Variants in CLYBL observed in about 807,000 individuals in gnomAD.
CLYBL encodes citramalyl-CoA lyase.
A neutral mutation model predicts 38.9 loss-of-function variants in CLYBL; 31 were observed. That is an observed-to-expected ratio of 0.80 (90% confidence interval 0.60 to 1.08). The LOEUF (loss-of-function observed/expected upper bound fraction) is 1.08, where lower values mean the gene tolerates loss of function less well. Ranked by LOEUF, CLYBL falls within the 50% of genes least tolerant of loss-of-function variation. The pLI is 0.00. For missense variants in CLYBL, 434 were observed against 411.6 expected (o/e 1.05, Z -0.47); for synonymous variants, 171 against 158.6 (o/e 1.08, Z -0.59).
chr13:99,627,283 C>T (rs557087715), intron 1 of CLYBL, among the ~76,000 whole-genome samples: 1 of 151,966 alleles, frequency 6.6e-6, no homozygotes, highest in African/African-American at 2.4e-5. Flanking sequence ...TTAAAGAAAG[C>T]GTTGAATGTG....
chr13:99,900,983 C>G (rs1165707018), downstream of CLYBL, among the ~76,000 whole-genome samples: 1 of 152,224 alleles, frequency 6.6e-6, no homozygotes, highest in Non-Finnish European at 1.5e-5. Context: ...CCCTGAGCAC[C>G]TGCCTCCCAG....
At chr13:99,835,821 A>G (rs1180701431) in intron 2 of CLYBL, among the ~76,000 whole-genome samples, 2 of 152,186 alleles carry the variant, frequency 1.3e-5, no homozygotes, top group Non-Finnish European at 2.9e-5. Context: ...CAGAACTAAC[A>G]GAGACAAGAC....
At chr13:99,610,476 A>T (rs1400655788) in intron 1 of CLYBL, among the ~76,000 whole-genome samples, 1 of 152,204 alleles carries the variant, frequency 6.6e-6, no homozygotes. Flanking sequence ...AGTGACTTTA[A>T]TAAACTAATT....
chr13:99,818,448 C>A (rs1286913570), intron 2 of CLYBL, among the ~76,000 whole-genome samples: 2 of 77,424 alleles, frequency 2.6e-5, no homozygotes, highest in African/African-American at 9.5e-5. Flanking sequence ...GAGCAGAAAA[C>A]ACACACACAC....
At chr13:99,839,606 T>C (rs1032432457) in intron 2 of CLYBL, among the ~76,000 whole-genome samples, 2 of 152,022 alleles carry the variant, frequency 1.3e-5, no homozygotes, top group African/African-American at 4.8e-5. Flanking sequence ...TGACACACCA[T>C]TGGGTGTGTG....
At chr13:99,896,780 C>T (rs2052585723), downstream of CLYBL, 1 of 152,226 alleles carries the variant, frequency 6.6e-6, no homozygotes, top group African/African-American at 2.4e-5. Context: ...CCTTGGGAAT[C>T]CCTGGAGGCC....
intron 1 of CLYBL, among the ~76,000 whole-genome samples, chr13:99,722,485 A>C (rs2048408920): frequency 6.6e-6 from 1 of 151,802 alleles, no homozygotes; most frequent in Admixed American, 6.6e-5. Flanking sequence ...GTGGGTCCGC[A>C]TCAACTCAGC....
At chr13:99,786,664 C>T (rs1391973127) in intron 2 of CLYBL, among the ~76,000 whole-genome samples, 1 of 152,198 alleles carries the variant, frequency 6.6e-6, no homozygotes, top group Non-Finnish European at 1.5e-5. Flanking sequence ...CCACAATAAA[C>T]ATACGTGTAC....
At chr13:99,852,817 A>G (rs1478007889) in intron 2 of CLYBL, among the ~76,000 whole-genome samples, 1 of 152,152 alleles carries the variant, frequency 6.6e-6, no homozygotes, top group Non-Finnish European at 1.5e-5. Context: ...CACACCTCCT[A>G]TATTCTCCCA....
At chr13:99,786,813 A>G (rs2049805820) in intron 2 of CLYBL, among the ~76,000 whole-genome samples, 2 of 151,922 alleles carry the variant, frequency 1.3e-5, no homozygotes, top group Non-Finnish European at 1.5e-5. Flanking sequence ...ACTAGTTTAC[A>G]CTCCCACCAA....
intron 1 of CLYBL, among the ~76,000 whole-genome samples, chr13:99,650,002 A>G (rs1047733881): frequency 2.6e-5 from 4 of 151,604 alleles, no homozygotes; most frequent in South Asian, 2.1e-4. Context: ...AGTGGCTCAC[A>G]CCTGTAATCC....
chr13:99,708,846 C>T (rs974245278), intron 1 of CLYBL, among the ~76,000 whole-genome samples: 28 of 152,052 alleles, frequency 1.8e-4, no homozygotes, highest in African/African-American at 6.8e-4. Context: ...GTAATCCCAA[C>T]AACTTTGGGA....
intron 1 of CLYBL, among the ~76,000 whole-genome samples, chr13:99,627,367 G>T (rs2139222129): frequency 6.6e-6 from 1 of 152,224 alleles, no homozygotes; most frequent in African/African-American, 2.4e-5. Context: ...TTTCTCGGCA[G>T]GTCAGTTAGT....
At chr13:99,611,909 A>C (rs1198232136) in intron 1 of CLYBL, among the ~76,000 whole-genome samples, 1 of 152,186 alleles carries the variant, frequency 6.6e-6, no homozygotes, top group Non-Finnish European at 1.5e-5. Context: ...CTGACTCCTT[A>C]TCCTTTTTCT....
At chr13:99,720,267 CCTT>C (rs1165673508) in intron 1 of CLYBL, among the ~76,000 whole-genome samples, 2 of 152,106 alleles carry the variant, frequency 1.3e-5, no homozygotes, top group Admixed American at 6.6e-5. Context: ...TCTCTGCTCT[CCTT>C]CTGATCAAAA....
intron 1 of CLYBL, among the ~76,000 whole-genome samples, chr13:99,743,962 C>CT (rs2048801866): frequency 8.1e-6 from 1 of 124,198 alleles, no homozygotes; most frequent in Non-Finnish European, 1.7e-5. Context: ...TTTTTCTCTT[C>CT]TTTCTTTTTT....
At chr13:99,649,092 T>A (rs2047215874) in intron 1 of CLYBL, among the ~76,000 whole-genome samples, 1 of 152,084 alleles carries the variant, frequency 6.6e-6, no homozygotes, top group Non-Finnish European at 1.5e-5. Flanking sequence ...TGTGTTTGGC[T>A]TTGGATGTAC....
chr13:99,634,174 T>C (rs1439574628), intron 1 of CLYBL, among the ~76,000 whole-genome samples: 1 of 152,212 alleles, frequency 6.6e-6, no homozygotes, highest in African/African-American at 2.4e-5. Flanking sequence ...AACAGCCGAC[T>C]GCTTATCAGA....
chr13:99,802,262 AATC>A (rs1435730174), intron 2 of CLYBL, among the ~76,000 whole-genome samples: 9 of 152,192 alleles, frequency 5.9e-5, no homozygotes, highest in African/African-American at 1.7e-4. Context: ...CCAAGAAAGA[AATC>A]ATCCCCATCA....
Sources: allele counts gnomAD v4.1 joint callset (sites outside exome capture counted in the v4.1 genomes callset), GRCh38; gene constraint gnomAD v4.1.1; transcripts MANE v1.5; gene names NCBI Gene and HGNC (gene_info 2026-07-23, HGNC 2026-07-21).